SFTPD: variants seen among roughly 807,000 people sequenced by gnomAD.
The protein encoded by SFTPD is pulmonary surfactant-associated protein D.
In SFTPD, 18 loss-of-function variants were observed where a neutral mutation model predicts 34.6. The observed-to-expected ratio is 0.52, with a 90% confidence interval of 0.36 to 0.77. The LOEUF (loss-of-function observed/expected upper bound fraction) is 0.77, where lower values mean the gene tolerates loss of function less well. Ranked by LOEUF, SFTPD falls within the 30% of genes least tolerant of loss-of-function variation. The pLI is 0.00. For synonymous variants in SFTPD, 155 were observed against 180.9 expected (o/e 0.86, Z 1.15); for missense variants, 433 against 468.9 (o/e 0.92, Z 0.71).
intron 5 of SFTPD, 138 bp downstream of exon 5, chr10:79,941,816 C>G: frequency 1.1e-5 from 8 of 711,706 alleles, no homozygotes; most frequent in Non-Finnish European, 2.0e-5. Context: ...ATGCACCCTT[C>G]TTGGATACAG....
rs940940795 is a variant in SFTPD, at chr10:79,937,919, A to G, written c.1061T>C (p.Ile354Thr). The change falls in exon 8 of 8, where the codon ATC (isoleucine) becomes ACC (threonine). Residue 354 changes from isoleucine (I) to threonine (T), a missense_variant. Transcript: ENST00000372292. ...DDGGSEDCVE[I>T]FTNGKWNDRA... ...GTCATTCCACTTGCCATTGGTGAAG[A>G]TCTCCACACAGTCCTCTGACCCGCC... 2.5e-6 allele frequency: 4 copies of G among 1,596,408 alleles called. No individual in the cohort carries two copies. The highest frequency in any genetic ancestry group is 3.4e-6 in the Non-Finnish European group (4 of 1,168,460).
At chr10:79,959,828 C>A (rs1308972317) in intron 1 of SFTPD, among the ~76,000 whole-genome samples, 2 of 152,012 alleles carry the variant, frequency 1.3e-5, no homozygotes, top group Admixed American at 6.6e-5. Flanking sequence ...CAAAGCCTGG[C>A]AGAAACACAA....
chr10:79,939,539 C>T (rs1271769514), intron 7 of SFTPD, among the ~76,000 whole-genome samples: 1 of 152,174 alleles, frequency 6.6e-6, no homozygotes, highest in African/African-American at 2.4e-5. Flanking sequence ...GCTATATAGA[C>T]AACATATGAG....
At chr10:79,964,601 TG>T (rs1842793336) in intron 1 of SFTPD, among the ~76,000 whole-genome samples, 1 of 152,166 alleles carries the variant, frequency 6.6e-6, no homozygotes, top group Non-Finnish European at 1.5e-5. Context: ...ACCTCTTCCT[TG>T]TAGGTTACAA....
chr10:79,943,232 CA>C (rs1368380074), intron 2 of SFTPD, among the ~76,000 whole-genome samples: 1 of 152,086 alleles, frequency 6.6e-6, no homozygotes, highest in Non-Finnish European at 1.5e-5. Context: ...GGAAGCCAAC[CA>C]GAAATGGCAC....
At chr10:79,967,136 C>G (rs181607144) in intron 1 of SFTPD, among the ~76,000 whole-genome samples, 6,704 of 114,820 alleles carry the variant, frequency 0.058, 294 homozygotes, top group South Asian at 0.17. Flanking sequence ...ACAAAAATCA[C>G]AAGCATTCTT....
At chr10:79,962,037 C>T (rs1187652116) in intron 1 of SFTPD, among the ~76,000 whole-genome samples, 1 of 135,708 alleles carries the variant, frequency 7.4e-6, no homozygotes, top group Non-Finnish European at 1.5e-5. Context: ...AGCAAACTAT[C>T]GCAAGGACAA....
chr10:79,947,376 AC>A (rs1202779415), intron 1 of SFTPD, among the ~76,000 whole-genome samples: 1 of 152,132 alleles, frequency 6.6e-6, no homozygotes, highest in Non-Finnish European at 1.5e-5. Flanking sequence ...TTCTTCTAAG[AC>A]CTGAGAGGGT....
At chr10:79,942,334 A>G (rs1044302323) in intron 4 of SFTPD, 54 bp downstream of exon 4, 8 of 1,240,840 alleles carry the variant, frequency 6.4e-6, no homozygotes, top group Non-Finnish European at 1.2e-6. Flanking sequence ...CATATCATGG[A>G]CCCTTGTCCT....
intron 1 of SFTPD, chr10:79,968,640 C>T (rs905380812): frequency 6.6e-6 from 1 of 152,114 alleles, no homozygotes; most frequent in Non-Finnish European, 1.5e-5. Context: ...ATGCATGTGT[C>T]TTTTCAGTGG....
chr10:79,943,532 G>A (rs943868656), intron 2 of SFTPD, among the ~76,000 whole-genome samples: 14 of 152,174 alleles, frequency 9.2e-5, no homozygotes, highest in African/African-American at 3.4e-4. Flanking sequence ...TAAGAGCAAG[G>A]AGAATCGAGG....
In SFTPD at chr10:79,982,221, C is replaced by T; in HGVS notation, c.36+354G>A. The T allele has an allele frequency of 8.2e-6, 5 of 606,516 alleles. No homozygotes were observed. In the South Asian group the frequency reaches 1.6e-4, roughly 20 times the overall value. 37.6% of individuals were successfully genotyped at this position (606,516 alleles called of 1,614,324 possible). A position where few individuals can be genotyped will look rare whatever the true frequency, so the allele number is the denominator to read the frequency against. The stretch of plus-strand genomic sequence containing the variant: ...ACGTACTGGGGCTCGGATCTACCTT[C>T]CAGTAGCAACGGAGGAGCCAATGGG... On this transcript the variant is annotated intron_variant, in intron 1 of 5. Transcript: ENST00000444384.
At chr10:79,958,528 A>T (rs951023137) in intron 1 of SFTPD, among the ~76,000 whole-genome samples, 1 of 152,340 alleles carries the variant, frequency 6.6e-6, no homozygotes, top group Admixed American at 6.5e-5. Flanking sequence ...AAACCAACAA[A>T]GATCAAAAGA....
intron 2 of SFTPD, among the ~76,000 whole-genome samples, chr10:79,943,823 C>T (rs1362627397): frequency 1.3e-5 from 2 of 152,220 alleles, no homozygotes; most frequent in Non-Finnish European, 2.9e-5. Context: ...CTCTGACACC[C>T]AACAGCACAT....
upstream of SFTPD, among the ~76,000 whole-genome samples, chr10:79,953,117 C>T (rs1842720129): frequency 6.6e-6 from 1 of 152,196 alleles, no homozygotes; most frequent in Non-Finnish European, 1.5e-5. Flanking sequence ...TATTCAACTG[C>T]AATTTTGGTT....
chr10:79,958,408 C>T (rs1842752635), intron 1 of SFTPD, among the ~76,000 whole-genome samples: 3 of 152,188 alleles, frequency 2.0e-5, no homozygotes, highest in Non-Finnish European at 4.4e-5. Context: ...GGAAACCCAT[C>T]TCACATGCAA....
intron 1 of SFTPD, chr10:79,968,561 A>G (rs1177896417): frequency 6.6e-6 from 1 of 152,138 alleles, no homozygotes; most frequent in Non-Finnish European, 1.5e-5. Flanking sequence ...TATCCGGTCC[A>G]CTGTTGATAG....
At chr10:79,959,953 A>G (rs1308354995) in intron 1 of SFTPD, among the ~76,000 whole-genome samples, 1 of 152,188 alleles carries the variant, frequency 6.6e-6, no homozygotes, top group Non-Finnish European at 1.5e-5. Flanking sequence ...CACCATGATC[A>G]AGTGGGCTTC....
chr10:79,954,547 G>C (rs950715430), intron 1 of SFTPD, among the ~76,000 whole-genome samples: 2 of 152,160 alleles, frequency 1.3e-5, no homozygotes, highest in African/African-American at 2.4e-5. Flanking sequence ...GTGGGTGGGT[G>C]GTGGGTGCTG....
Sources: allele counts gnomAD v4.1 joint callset (sites outside exome capture counted in the v4.1 genomes callset), GRCh38; gene constraint gnomAD v4.1.1; transcripts MANE v1.5; gene names NCBI Gene and HGNC (gene_info 2026-07-23, HGNC 2026-07-21).